The following PRKD2 variants were observed in gnomAD, a reference collection of about 807,000 sequenced individuals.
PRKD2 encodes the protein serine/threonine-protein kinase D2.
Under a neutral mutation model 86.0 loss-of-function variants are expected in PRKD2, and 22 were observed. The observed-to-expected ratio is 0.26, with a 90% CI of 0.18 to 0.37. PRKD2 has a LOEUF of 0.37. Among genes scored for constraint, PRKD2 ranks in the 10% least tolerant of loss-of-function variants. The pLI, the probability that PRKD2 is intolerant of heterozygous loss-of-function variation, is 1.00. For synonymous variants in PRKD2, 509 were observed against 510.9 expected (o/e 1.00, Z 0.05); for missense variants, 818 against 1,199.2 (o/e 0.68, Z 4.70).
chr19:46,715,752 G>T (rs1429074053), intron 1 of PRKD2, among the ~76,000 whole-genome samples: 1 of 151,880 alleles, frequency 6.6e-6, no homozygotes, highest in Non-Finnish European at 1.5e-5. Context: ...GCCAGCCCGG[G>T]TTCAATTTCT....
chr19:46,714,287 C>G, intron 1 of PRKD2: 1 of 1,187,216 alleles, frequency 8.4e-7, no homozygotes. Context: ...TCGAATTTTC[C>G]GGAACCTGGC....
At chr19:46,695,380 G>A (rs1323820330) in intron 9 of PRKD2, among the ~76,000 whole-genome samples, 1 of 152,242 alleles carries the variant, frequency 6.6e-6, no homozygotes, top group African/African-American at 2.4e-5. Context: ...CTACTTGGGA[G>A]GCTGAGGCAG....
chr19:46,703,662 C>T (rs1165827356), intron 5 of PRKD2, among the ~76,000 whole-genome samples: 1 of 151,866 alleles, frequency 6.6e-6, no homozygotes, highest in Non-Finnish European at 1.5e-5. Context: ...GTCCCAGCTA[C>T]TCAGGAGGCT....
chr19:46,689,779 TGACA>T, intron 13 of PRKD2, 81 bp from the exon 14 acceptor site: 1 of 1,519,726 alleles, frequency 6.6e-7, no homozygotes, highest in Non-Finnish European at 9.0e-7. Context: ...AGCAGGAGGA[TGACA>T]AACAAGGAGA....
At chr19:46,712,269 G>T (rs771515897) in intron 2 of PRKD2, among the ~76,000 whole-genome samples, 2 of 149,886 alleles carry the variant, frequency 1.3e-5, no homozygotes, top group Non-Finnish European at 3.0e-5. Flanking sequence ...GGCCGGGAGC[G>T]GTGGCTCACA....
Position 46,716,242 on chromosome 19 carries a change from G to T in PRKD2, c.129C>A (p.Ser43=). The change falls in exon 1 of 18, where the codon TCC becomes TCA. Residue 43 remains serine, a synonymous_variant. Coordinates refer to ENST00000291281, the MANE Select transcript of PRKD2 (RefSeq NM_016457.5). This position sits in a 1 kb window ranked among gnomAD's most constrained non-coding sequence, Gnocchi z 7.9. ...CGATCTGGATGTGAAAGGAGACCCC[G>T]GAACCCGGGGCCGGGATCTGGGGCA... The part of the protein sequence containing the change: ...PLLPQIPAPG[S]GVSFHIQIGL... The T allele has an allele frequency of 6.2e-7, 1 of 1,605,374 alleles. No homozygotes were observed. The highest frequency in any genetic ancestry group is 8.5e-7 in the Non-Finnish European group (1 of 1,176,728).
chr19:46,714,158 C>A (rs904041466), intron 1 of PRKD2, 157 bp from the exon 2 acceptor site: 2 of 1,338,188 alleles, frequency 1.5e-6, no homozygotes. Flanking sequence ...CCAACCCCAG[C>A]GCGAGCCGGG....
chr19:46,678,382 C>A lies in PRKD2; in HGVS notation c.2338+14G>T. The A allele has an allele frequency of 6.2e-7, 1 of 1,613,188 alleles. No homozygotes were observed. Among genetic ancestry groups the A allele is most frequent in the Non-Finnish European group, 8.5e-7 (1 of 1,179,768 alleles). ...ACAACCCACCCGCCCATGGGGTAGG[C>A]GGGCCCCAGGCACCTCCAGCTGAGA... On this transcript the variant is annotated intron_variant, in intron 16 of 17. Transcript: ENST00000291281. The surrounding 1 kb of genome is among the most constrained non-coding windows in gnomAD (Gnocchi z 5.7).
At position 46,692,471 on chromosome 19, in the gene PRKD2, G is replaced by C. The variant is rs975235862; in HGVS notation, c.1577-486C>G. ...CTCTCTTCCACCAGTCTAGGCCCCT[G>C]CTCGCCCCCCAACTCTGGGTCCTCA... On this transcript the variant is annotated intron_variant, in intron 10 of 17. Coordinates refer to ENST00000291281, the MANE Select transcript of PRKD2 (RefSeq NM_016457.5). 1.9e-4 allele frequency among the ~76,000 whole-genome samples: 29 copies of C among 151,520 alleles called. 1 individual carries two copies. The highest frequency in any genetic ancestry group is 3.2e-4 in the Non-Finnish European group (22 of 67,884).
chr19:46,697,301 C>CCCCA, intron 8 of PRKD2, 67 bp from the exon 9 acceptor site: 8 of 1,238,446 alleles, frequency 6.5e-6, no homozygotes, highest in East Asian at 2.3e-5. Context: ...TCCCGTGGAG[C>CCCCA]TGCTTGGGGC....
At position 46,691,914 on chromosome 19, in the gene PRKD2, G is replaced by C. The variant is rs780584323; in HGVS notation, c.1629+19C>G. The C allele has an allele frequency of 1.2e-6, 2 of 1,613,320 alleles. No homozygotes were observed. Among genetic ancestry groups the C allele is most frequent in the Admixed American group, 1.7e-5 (1 of 60,010 alleles). On this transcript the variant is annotated intron_variant, in intron 11 of 17. Transcript: ENST00000291281. ...GGTTTGTGGGAGGGGAGGGCATCAG[G>C]TGGGGGCAGGAGTCTCACCACATTC...
At chr19:46,679,609 ATGCCTACCTTTCCTTCATTGTT>A (rs1200071263) in intron 15 of PRKD2, among the ~76,000 whole-genome samples, 1 of 152,002 alleles carries the variant, frequency 6.6e-6, no homozygotes, top group African/African-American at 2.4e-5. Flanking sequence ...AGTATGGTGT[ATGCCTACCTTTCCTTCATTGTT>A]TTATTTTTTT....
intron 9 of PRKD2, among the ~76,000 whole-genome samples, 165 bp downstream of exon 9, chr19:46,696,992 A>G (rs1301264854): frequency 6.6e-6 from 1 of 151,890 alleles, no homozygotes; most frequent in East Asian, 1.9e-4. Flanking sequence ...TGGGGCCAGA[A>G]TCGGATGGGC....
intron 5 of PRKD2, 44 bp downstream of exon 5, chr19:46,704,125 G>C: frequency 6.2e-7 from 1 of 1,610,094 alleles, no homozygotes. Flanking sequence ...GGGGCGGGAA[G>C]GAGGTTCTGA....
In PRKD2 at chr19:46,694,099, G is replaced by C; in HGVS notation, c.1352C>G (p.Ser451Cys). The change falls in exon 10 of 18, where the codon TCC (serine) becomes TGC (cysteine). Residue 451 changes from serine (S) to cysteine (C), a missense_variant. Around this residue, in one of 5 missense-constraint regions of PRKD2, gnomAD observed 127 missense variants for 157.8 expected, o/e 0.80. Coordinates refer to ENST00000291281, the MANE Select transcript of PRKD2 (RefSeq NM_016457.5). Reference protein sequence around the residue: ...IPLSEILTVESAQNFSLVPPG... With the variant: ...IPLSEILTVECAQNFSLVPPG... Reference sequence around the variant, plus strand: ...CGGCACAAGGCTGAAGTTCTGGGCGGACTCCACCGTGAGGATTTCTGACAG... The same window carrying C: ...CGGCACAAGGCTGAAGTTCTGGGCGCACTCCACCGTGAGGATTTCTGACAG... The C allele has an allele frequency of 6.2e-7, 1 of 1,614,162 alleles. No homozygotes were observed. The highest frequency in any genetic ancestry group is 8.5e-7 in the Non-Finnish European group (1 of 1,180,016).
At chr19:46,701,828 C>T (rs1056185675) in intron 5 of PRKD2, among the ~76,000 whole-genome samples, 1 of 151,928 alleles carries the variant, frequency 6.6e-6, no homozygotes, top group African/African-American at 2.4e-5. Context: ...TCTCTGACTT[C>T]TACCTACTGG....
At chr19:46,701,297 G>A (rs915992690) in intron 5 of PRKD2, among the ~76,000 whole-genome samples, 185 bp from the exon 6 acceptor site, 1 of 151,780 alleles carries the variant, frequency 6.6e-6, no homozygotes, top group Non-Finnish European at 1.5e-5. Flanking sequence ...CATCGGGGGG[G>A]TCTTGATTAA....
intron 5 of PRKD2, among the ~76,000 whole-genome samples, chr19:46,702,746 G>A (rs1221296783): frequency 6.6e-6 from 1 of 151,164 alleles, no homozygotes; most frequent in Non-Finnish European, 1.5e-5. Context: ...GGAATGCAGT[G>A]GCACAATCAT....
chr19:46,716,291 T>C lies in PRKD2; in HGVS notation c.80A>G (p.Glu27Gly), dbSNP rs773614119. ...CAGTAGCGGTGGCGGCGACTGCAGC[T>C]CTAGGCCGCCGGGGGGCGGAGGAGA... ...PGSPPPPGGL[E>G]LQSPPPLLPQ... The change falls in exon 1 of 18, where the codon GAG becomes GGG. Residue 27 changes from glutamate to glycine, a missense_variant. Physicochemically the swap from Glu to Gly is moderately conservative, Grantham distance 98. Transcript: ENST00000291281. This position sits in a 1 kb window ranked among gnomAD's most constrained non-coding sequence, Gnocchi z 7.9. 5 of 1,557,922 alleles carry C rather than the reference T, an allele frequency of 3.2e-6. No homozygotes were observed. In the Admixed American group the frequency reaches 9.4e-5, roughly 29 times the overall value.
Sources: allele counts gnomAD v4.1 joint callset (sites outside exome capture counted in the v4.1 genomes callset), GRCh38; gene constraint gnomAD v4.1.1; regional missense constraint gnomAD v4.1.1; non-coding constraint Gnocchi (gnomAD v3.1); transcripts MANE v1.5; gene names NCBI Gene and HGNC (gene_info 2026-07-23, HGNC 2026-07-21).